SMARCAL1: variants seen among roughly 807,000 people sequenced by gnomAD.
The protein encoded by SMARCAL1 is SNF2 related chromatin remodeling annealing helicase 1.
SMARCAL1 carries 58 observed loss-of-function variants against 94.5 expected under a neutral mutation model. The observed-to-expected ratio is 0.61, with a 90% CI of 0.50 to 0.76. The LOEUF (loss-of-function observed/expected upper bound fraction) is 0.76. Among genes scored for constraint, SMARCAL1 ranks in the 30% least tolerant of loss-of-function variants. SMARCAL1 has a pLI of 0.00. For missense variants in SMARCAL1, 1,051 were observed against 1,177.9 expected (o/e 0.89, Z 1.58); for synonymous variants, 422 against 455.1 (o/e 0.93, Z 0.93).
intron 7 of SMARCAL1, among the ~76,000 whole-genome samples, chr2:216,429,884 C>A (rs1693926401): frequency 6.6e-6 from 1 of 152,176 alleles, no homozygotes; most frequent in Non-Finnish European, 1.5e-5. Flanking sequence ...CATTGCCATT[C>A]CAATGCTCCA....
In SMARCAL1 at chr2:216,435,461, A is replaced by G; in HGVS notation, c.1609A>G (p.Lys537Glu). The G allele has an allele frequency of 1.2e-6, 2 of 1,614,184 alleles. No homozygotes were observed. The change falls in exon 9 of 18, where the codon AAA (lysine) becomes GAA (glutamate). Residue 537 changes from lysine to glutamate, a missense_variant. Lys to Glu is a moderately conservative substitution (Grantham distance 56). Around this residue, in one of 3 missense-constraint regions of SMARCAL1, gnomAD observed 642 missense variants for 754.7 expected, o/e 0.85. Transcript: ENST00000357276. ...VSFDLLSKLE[K>E]QLKTPFKVVI... ...CTTTGACCTTCTTAGCAAGTTGGAAAAACAGCTAAAAACCCCTTTTAAAGT... is the reference window on the plus strand; with the variant it reads ...CTTTGACCTTCTTAGCAAGTTGGAAGAACAGCTAAAAACCCCTTTTAAAGT...
chr2:216,424,320 G>T (rs1018592031), intron 6 of SMARCAL1, among the ~76,000 whole-genome samples: 4 of 152,190 alleles, frequency 2.6e-5, no homozygotes, highest in African/African-American at 9.6e-5. Context: ...AATATGCCTG[G>T]AAAAAGGAAA....
At chr2:216,415,914 G>A (rs1490492928) in intron 3 of SMARCAL1, 1 of 405,698 alleles carries the variant, frequency 2.5e-6, no homozygotes, top group South Asian at 2.2e-5. Context: ...GCAGCGTCAG[G>A]ATGTGACTAG....
chr2:216,414,907 G>T lies in SMARCAL1; in HGVS notation c.203G>T (p.Gly68Val), dbSNP rs1693553650. ...PRESCKPVSH[G>V]VIFKQQNLSS... ...GAGTCTTGTAAGCCAGTGAGCCATG[G>T]TGTCATTTTCAAGCAACAGAATCTC... Residue 68 changes from glycine to valine, a missense_variant, in exon 3 of 18, where the codon GGT (glycine) becomes GTT (valine). This residue lies in a region of SMARCAL1 where 398 missense variants were observed against 395.2 expected (regional missense o/e 1.01). Coordinates refer to ENST00000357276, the MANE Select transcript of SMARCAL1 (RefSeq NM_014140.4). 1.2e-6 allele frequency: 2 copies of T among 1,614,202 alleles called. No individual in the cohort carries two copies. The highest frequency in any genetic ancestry group is 4.5e-5 in the East Asian group (2 of 44,886).
rs549471190 is a variant in SMARCAL1 at position 216,438,361 on chromosome 2, C to G, written c.1645-59C>G. On this transcript the variant is annotated intron_variant, in intron 9 of 17. Coordinates refer to ENST00000357276, the MANE Select transcript of SMARCAL1 (RefSeq NM_014140.4). ...ATGCCAGGGTCAAGCCTAAAGTGAC[C>G]CATATTTCTGTCCACTCAGGATTGG... 3.3e-4 allele frequency: 481 copies of G among 1,441,194 alleles called. 7 individuals are homozygous for G. In the South Asian group the frequency reaches 5.3e-3, roughly 16 times the overall value. 89.3% of individuals were successfully genotyped at this position (1,441,194 alleles called of 1,614,324 possible). A position where few individuals can be genotyped will look rare whatever the true frequency, so the allele number is the denominator to read the frequency against.
chr2:216,465,863 T>C (rs1301156241), intron 13 of SMARCAL1, among the ~76,000 whole-genome samples: 1 of 152,106 alleles, frequency 6.6e-6, no homozygotes, highest in Non-Finnish European at 1.5e-5. Flanking sequence ...TTGGCCCACC[T>C]ACCTCTCCAC....
In SMARCAL1 at chr2:216,475,223, C is replaced by T. The variant is rs375165197; in HGVS notation, c.2245-46C>T. 6.2e-6 allele frequency: 10 copies of T among 1,606,132 alleles called. No individual in the cohort carries two copies. The African/African-American group carries it at 9.4e-5, about 15-fold the overall frequency. On this transcript the variant is annotated intron_variant, in intron 14 of 17. Coordinates refer to ENST00000357276, the MANE Select transcript of SMARCAL1 (RefSeq NM_014140.4). This position sits in a 1 kb window ranked among gnomAD's most constrained non-coding sequence, Gnocchi z 4.4. ...TGGCTGGGTGTGGTTTGCTGAGAAGCCCCCGGGGCTGTTGCCCACCTTGCT... is the reference window on the plus strand; with the variant it reads ...TGGCTGGGTGTGGTTTGCTGAGAAGTCCCCGGGGCTGTTGCCCACCTTGCT...
rs2106079237 is a variant in SMARCAL1 at position 216,469,520 on chromosome 2, A to G, written c.2244+1474A>G. Among the ~76,000 whole-genome samples the G allele has an allele frequency of 1.3e-5, 2 of 151,780 alleles. 1 individual carries two copies. The highest frequency in any genetic ancestry group is 6.8e-3 in the Middle Eastern group (2 of 294). On this transcript the variant is annotated intron_variant, in intron 14 of 17. Transcript: ENST00000357276. Reference sequence around the variant, plus strand: ...AGGATGGTCTCGATCTCCTGACCTCATGATCCGCCCGCCTCGGCCTCCCAA... The same window carrying G: ...AGGATGGTCTCGATCTCCTGACCTCGTGATCCGCCCGCCTCGGCCTCCCAA...
At chr2:216,445,526 C>T (rs1041062666) in intron 10 of SMARCAL1, among the ~76,000 whole-genome samples, 1 of 152,174 alleles carries the variant, frequency 6.6e-6, no homozygotes, top group Admixed American at 6.5e-5. Context: ...TTTGCCCTGG[C>T]TCCATCCCCA....
At chr2:216,434,688 G>A (rs540731672) in intron 8 of SMARCAL1, among the ~76,000 whole-genome samples, 1 of 151,362 alleles carries the variant, frequency 6.6e-6, no homozygotes, top group Non-Finnish European at 1.5e-5. Flanking sequence ...AAAAAAGAAA[G>A]AAAGAAATTA....
At chr2:216,435,772 C>T (rs574174884) in intron 9 of SMARCAL1, among the ~76,000 whole-genome samples, 21 of 152,204 alleles carry the variant, frequency 1.4e-4, no homozygotes, top group Admixed American at 4.6e-4. Flanking sequence ...TCTTTCCCAG[C>T]GTGACTCATG....
At chr2:216,478,153 T>C (rs767224266) in intron 16 of SMARCAL1, 50 bp from the exon 17 acceptor site, 15 of 1,431,028 alleles carry the variant, frequency 1.0e-5, no homozygotes, top group Non-Finnish European at 1.4e-5. Flanking sequence ...TTCATTAGTC[T>C]GGTGGTTCTG....
chr2:216,426,127 G>A (rs1693828316), intron 6 of SMARCAL1, among the ~76,000 whole-genome samples: 1 of 152,234 alleles, frequency 6.6e-6, no homozygotes, highest in African/African-American at 2.4e-5. Flanking sequence ...CTCCCAAAGT[G>A]CTGGGATTAC....
intron 13 of SMARCAL1, among the ~76,000 whole-genome samples, chr2:216,465,537 C>T (rs1284637552): frequency 6.6e-6 from 1 of 152,176 alleles, no homozygotes; most frequent in African/African-American, 2.4e-5. Context: ...TCTATTTCCA[C>T]CTTATAAATT....
At chr2:216,470,186 C>T (rs546897345) in intron 14 of SMARCAL1, among the ~76,000 whole-genome samples, 39 of 151,960 alleles carry the variant, frequency 2.6e-4, no homozygotes, top group African/African-American at 8.0e-4. Flanking sequence ...GGTCTCGCTC[C>T]GTTGCCCGGG....
At chr2:216,452,750 G>C (rs560336630) in intron 12 of SMARCAL1, among the ~76,000 whole-genome samples, 1 of 152,318 alleles carries the variant, frequency 6.6e-6, no homozygotes, top group African/African-American at 2.4e-5. Context: ...TAGAAATTTT[G>C]TGCTTAGTGC....
chr2:216,446,922 C>A, intron 10 of SMARCAL1, 96 bp from the exon 11 acceptor site: 2 of 1,480,992 alleles, frequency 1.4e-6, no homozygotes, highest in African/African-American at 1.4e-5. Flanking sequence ...CGGTCTTTTT[C>A]TGGGGGCATC....
chr2:216,418,040 C>T (rs1455220703), intron 4 of SMARCAL1, among the ~76,000 whole-genome samples: 2 of 152,124 alleles, frequency 1.3e-5, no homozygotes, highest in African/African-American at 4.8e-5. Context: ...CCTGCCTCAG[C>T]CTCCTGAGTA....
At chr2:216,460,163 G>A (rs370784961) in intron 12 of SMARCAL1, among the ~76,000 whole-genome samples, 5 of 152,172 alleles carry the variant, frequency 3.3e-5, no homozygotes, top group Middle Eastern at 3.4e-3. Context: ...TTAGAATGGC[G>A]ATCATTAAAA....
Sources: gnomAD v4.1 joint callset for allele counts (sites outside exome capture counted in the v4.1 genomes callset) on GRCh38, gnomAD v4.1.1 for gene constraint, gnomAD v4.1.1 regional missense constraint, Gnocchi (gnomAD v3.1) non-coding constraint, MANE v1.5 for transcripts, NCBI Gene and HGNC (gene_info 2026-07-23, HGNC 2026-07-21) for gene names.